TACC2: variants seen among roughly 807,000 people sequenced by gnomAD.
TACC2 encodes transforming acidic coiled-coil-containing protein 2.
A neutral mutation model predicts 227.3 loss-of-function variants in TACC2; 137 were observed. The ratio of observed to expected loss-of-function variants is 0.60; its 90% CI spans 0.52 to 0.69. The LOEUF (loss-of-function observed/expected upper bound fraction) is 0.69. Ranked by LOEUF, TACC2 falls within the 30% of genes least tolerant of loss-of-function variation. TACC2 has a pLI of 0.00. For missense variants in TACC2, 3,470 were observed against 3,694.4 expected (o/e 0.94, Z 1.57); for synonymous variants, 1,523 against 1,487.5 (o/e 1.02, Z -0.55).
chr10:122,226,262 C>T, intron 12 of TACC2, 104 bp from the exon 13 acceptor site: 1 of 766,822 alleles, frequency 1.3e-6, no homozygotes, highest in Non-Finnish European at 2.2e-6. Flanking sequence ...AGGCTTTTCC[C>T]TGATGGGTTA....
intron 12 of TACC2, among the ~76,000 whole-genome samples, chr10:122,225,064 T>C (rs925687176): frequency 6.9e-6 from 1 of 143,920 alleles, no homozygotes; most frequent in Non-Finnish European, 1.5e-5. Context: ...GAGATTTCTT[T>C]AAAAAAAAAA....
intron 3 of TACC2, among the ~76,000 whole-genome samples, chr10:122,054,627 T>C (rs1445375637): frequency 3.3e-5 from 5 of 152,188 alleles, no homozygotes; most frequent in African/African-American, 1.2e-4. Flanking sequence ...CCATTTCCTG[T>C]GCTTCCATTT....
chr10:122,253,770 G>A (rs1380388572), intron 22 of TACC2, among the ~76,000 whole-genome samples: 1 of 152,178 alleles, frequency 6.6e-6, no homozygotes, highest in Admixed American at 6.5e-5. Flanking sequence ...ATGTTCTAGA[G>A]ATAAGGACAC....
intron 5 of TACC2, among the ~76,000 whole-genome samples, chr10:122,111,731 T>G (rs960082946): frequency 3.3e-5 from 5 of 151,914 alleles, no homozygotes; most frequent in African/African-American, 1.2e-4. Context: ...CCTGACCTCG[T>G]GATCTGTCCA....
At chr10:122,207,542 G>A (rs2095161990) in intron 8 of TACC2, among the ~76,000 whole-genome samples, 1 of 152,196 alleles carries the variant, frequency 6.6e-6, no homozygotes, top group African/African-American at 2.4e-5. Flanking sequence ...GTGGAGGCCA[G>A]GGATGCTGGT....
intron 7 of TACC2, among the ~76,000 whole-genome samples, chr10:122,174,429 T>C (rs1047151131): frequency 6.6e-6 from 1 of 152,198 alleles, no homozygotes; most frequent in African/African-American, 2.4e-5. Context: ...TTGAGAAGAC[T>C]GGCATTCAGG....
intron 8 of TACC2, among the ~76,000 whole-genome samples, chr10:122,207,784 C>T (rs943450806): frequency 6.6e-6 from 1 of 152,230 alleles, no homozygotes; most frequent in East Asian, 1.9e-4. Context: ...GTGATAACTG[C>T]TGACATTTGA....
At position 122,008,264 on chromosome 10, in the gene TACC2, A is replaced by ATTATTATTATTATTTTATT; in HGVS notation, c.-45-13671_-45-13670insATTATTATTATTTTATTTT. ...TCCCTTTGTTATTATTATTATTATT[A>ATTATTATTATTATTTTATT]TTTTTTTTTTTTGAGACAGAATTTT... On this transcript the variant is annotated intron_variant, in intron 1 of 22. Transcript: ENST00000369005. Among the ~76,000 whole-genome samples the ATTATTATTATTATTTTATT allele has an allele frequency of 1.1e-3, 143 of 134,662 alleles. 3 individuals carry two copies. The East Asian group carries it at 0.011, about 10-fold the overall frequency. 88.3% of individuals were successfully genotyped at this position (134,662 alleles called of 152,430 possible). A position where few individuals can be genotyped will look rare whatever the true frequency, so the allele number is the denominator to read the frequency against.
chr10:122,043,511 CT>C (rs1281532503), intron 2 of TACC2, among the ~76,000 whole-genome samples: 1,285 of 122,496 alleles, frequency 0.01, 20 homozygotes, highest in African/African-American at 0.037. Flanking sequence ...TTTTCTCTTT[CT>C]TTTTCTTTCT....
At chr10:122,168,421 CA>C (rs1463423957) in intron 7 of TACC2, among the ~76,000 whole-genome samples, 1 of 152,072 alleles carries the variant, frequency 6.6e-6, no homozygotes, top group African/African-American at 2.4e-5. Context: ...GATTGATTCC[CA>C]AAGGAAGCTT....
chr10:122,132,043 A>AG (rs1491467592), intron 5 of TACC2, among the ~76,000 whole-genome samples: 25 of 1,148 alleles, frequency 0.022, 1 homozygote, highest in East Asian at 0.071. Flanking sequence ...AAAGAAAGAA[A>AG]GAAAGAAAGA....
rs1423702084 is a variant in TACC2, at chr10:122,050,129, GGGA to G, written c.34-307_34-305del. On this transcript the variant is annotated intron_variant, in intron 2 of 22. Coordinates refer to ENST00000369005, the MANE Select transcript of TACC2 (RefSeq NM_206862.4). This position sits in a 1 kb window ranked among gnomAD's most constrained non-coding sequence, Gnocchi z 4.6. ...TAGTTTAAATGCTCCACTTCTCCTAGGGAGCAAGTGACCCCAAAGTGTGGTAGG... is the reference window on the plus strand; with the variant it reads ...TAGTTTAAATGCTCCACTTCTCCTAGGCAAGTGACCCCAAAGTGTGGTAGG... 3.3e-5 allele frequency among the ~76,000 whole-genome samples: 5 copies of G among 152,166 alleles called. No individual in the cohort carries two copies. The highest frequency in any genetic ancestry group is 2.6e-4 in the Admixed American group (4 of 15,270).
intron 5 of TACC2, among the ~76,000 whole-genome samples, chr10:122,119,189 A>G (rs2085263945): frequency 6.6e-6 from 1 of 152,034 alleles, no homozygotes; most frequent in East Asian, 1.9e-4. Flanking sequence ...TTCTACATAT[A>G]TTTTTTCCTC....
chr10:122,225,338 C>T (rs1177709659), intron 12 of TACC2, among the ~76,000 whole-genome samples: 1 of 152,228 alleles, frequency 6.6e-6, no homozygotes, highest in African/African-American at 2.4e-5. Context: ...CACTACGTGG[C>T]CCTGGATATG....
chr10:122,251,839 G>T lies in TACC2; in HGVS notation c.8782-2152G>T, dbSNP rs899716758. Among the ~76,000 whole-genome samples, 9 of 152,344 alleles carry T rather than the reference G, an allele frequency of 5.9e-5. 1 individual carries two copies. Among genetic ancestry groups the T allele is most frequent in the Non-Finnish European group, 7.3e-5 (5 of 68,038 alleles). On this transcript the variant is annotated intron_variant, in intron 22 of 22. Transcript: ENST00000369005. ...AGATGGTTCCCCCATTTCCATCAGG[G>T]TTTGATGGTGTTTAAATTGCATTAT...
chr10:122,215,268 G>C, intron 9 of TACC2, 123 bp from the exon 10 acceptor site: 2 of 811,774 alleles, frequency 2.5e-6, no homozygotes, highest in Admixed American at 1.8e-5. Flanking sequence ...TGGAGTGACA[G>C]AGGTGGGAGG....
At chr10:122,228,308 T>C (rs77830064) in intron 14 of TACC2, among the ~76,000 whole-genome samples, 2,262 of 152,346 alleles carry the variant, frequency 0.015, 54 homozygotes, top group African/African-American at 0.048. Context: ...AGGGCAGTCG[T>C]TAAGCAGTCC....
At chr10:122,071,512 C>T (rs1412405307) in intron 3 of TACC2, among the ~76,000 whole-genome samples, 1 of 151,998 alleles carries the variant, frequency 6.6e-6, no homozygotes, top group Non-Finnish European at 1.5e-5. Flanking sequence ...TGCCTGTCCC[C>T]ATCCCCACAC....
chr10:122,026,981 C>T (rs556691733), intron 2 of TACC2, among the ~76,000 whole-genome samples: 134 of 152,234 alleles, frequency 8.8e-4, no homozygotes, highest in African/African-American at 3.1e-3. Context: ...TAGATACCAG[C>T]GAGCGTGATT....
Sources: allele counts gnomAD v4.1 joint callset (sites outside exome capture counted in the v4.1 genomes callset), GRCh38; gene constraint gnomAD v4.1.1; non-coding constraint Gnocchi (gnomAD v3.1); transcripts MANE v1.5; gene names NCBI Gene and HGNC (gene_info 2026-07-23, HGNC 2026-07-21).